Variants in ADAMTSL1 observed in about 807,000 individuals in gnomAD.
ADAMTSL1 encodes the protein ADAMTS like 1.
A neutral mutation model predicts 201.8 loss-of-function variants in ADAMTSL1; 126 were observed. The ratio of observed to expected loss-of-function variants is 0.62; its 90% CI spans 0.54 to 0.72. The LOEUF (loss-of-function observed/expected upper bound fraction) is 0.72. ADAMTSL1 is among the 30% of genes least tolerant of loss of function. The pLI is 0.00. For missense variants in ADAMTSL1, 2,679 were observed against 2,277.8 expected (o/e 1.18, Z -3.59); for synonymous variants, 1,121 against 903.4 (o/e 1.24, Z -4.32).
chr9:18,716,394 A>T (rs1481546452), intron 14 of ADAMTSL1, among the ~76,000 whole-genome samples: 2 of 152,124 alleles, frequency 1.3e-5, no homozygotes, highest in African/African-American at 4.8e-5. Flanking sequence ...TTTACAAGAA[A>T]AAAACAAACA....
chr9:18,367,351 A>C (rs371028716), intron 2 of ADAMTSL1, among the ~76,000 whole-genome samples: 12 of 151,282 alleles, frequency 7.9e-5, no homozygotes, highest in African/African-American at 2.9e-4. Context: ...AGATAAGTGA[A>C]TCTTTTAGAT....
At chr9:18,416,685 A>G (rs906268160) in intron 2 of ADAMTSL1, among the ~76,000 whole-genome samples, 2 of 152,052 alleles carry the variant, frequency 1.3e-5, no homozygotes, top group African/African-American at 4.8e-5. Flanking sequence ...AATAAAGAAT[A>G]TCAGTTTTTA....
chr9:18,351,265 G>GAA (rs1222233600), intron 2 of ADAMTSL1, among the ~76,000 whole-genome samples: 2 of 138,988 alleles, frequency 1.4e-5, no homozygotes, highest in Admixed American at 1.4e-4. Context: ...AAAAAAAAAA[G>GAA]AAAAAAAAAA....
At chr9:18,494,815 T>C (rs375460324) in intron 1 of ADAMTSL1, among the ~76,000 whole-genome samples, 4 of 152,008 alleles carry the variant, frequency 2.6e-5, no homozygotes, top group African/African-American at 9.7e-5. Context: ...TTTCTGAGAG[T>C]TCATAGCCCA....
chr9:18,182,146 G>T (rs1449570323), intron 2 of ADAMTSL1, among the ~76,000 whole-genome samples: 1 of 143,236 alleles, frequency 7.0e-6, no homozygotes, highest in African/African-American at 2.5e-5. Context: ...TGTGGTGTGG[G>T]GGGAGGGGGG....
At chr9:18,522,890 G>A (rs955331734) in intron 2 of ADAMTSL1, among the ~76,000 whole-genome samples, 45 of 151,974 alleles carry the variant, frequency 3.0e-4, no homozygotes, top group African/African-American at 7.0e-4. Context: ...GAATAGTGCC[G>A]CAATAAACAT....
At chr9:18,025,770 G>A (rs1035633166) in intron 1 of ADAMTSL1, among the ~76,000 whole-genome samples, 1 of 151,752 alleles carries the variant, frequency 6.6e-6, no homozygotes, top group Non-Finnish European at 1.5e-5. Context: ...TTTAGAATAG[G>A]TTTTTCTAAT....
intron 19 of ADAMTSL1, among the ~76,000 whole-genome samples, chr9:18,783,122 T>C (rs1049084197): frequency 2.0e-5 from 3 of 152,178 alleles, no homozygotes; most frequent in Non-Finnish European, 4.4e-5. Context: ...GCCATTGCAG[T>C]AGCCCCTACA....
intron 4 of ADAMTSL1, among the ~76,000 whole-genome samples, chr9:18,591,167 T>C (rs976404726): frequency 1.3e-5 from 2 of 152,316 alleles, no homozygotes; most frequent in East Asian, 1.9e-4. Context: ...TCCTTTTAGA[T>C]CTGTTAAAAT....
chr9:18,773,913 A>G (rs766984796), intron 17 of ADAMTSL1, among the ~76,000 whole-genome samples: 1 of 152,236 alleles, frequency 6.6e-6, no homozygotes, highest in Non-Finnish European at 1.5e-5. Flanking sequence ...TCTGGAACCC[A>G]TAATTTTCAG....
intron 2 of ADAMTSL1, among the ~76,000 whole-genome samples, chr9:18,305,744 C>T (rs542104608): frequency 6.6e-6 from 1 of 152,308 alleles, no homozygotes; most frequent in African/African-American, 2.4e-5. Flanking sequence ...CTCCTTGGGA[C>T]ACAGCACTTG....
chr9:18,070,657 T>G (rs114181597), intron 1 of ADAMTSL1, among the ~76,000 whole-genome samples: 2,621 of 152,174 alleles, frequency 0.017, 74 homozygotes, highest in African/African-American at 0.06. Context: ...GATAAAATCT[T>G]GGGAAATGAT....
At chr9:18,494,300 G>A (rs547875041) in intron 1 of ADAMTSL1, among the ~76,000 whole-genome samples, 46 of 150,714 alleles carry the variant, frequency 3.1e-4, no homozygotes, top group South Asian at 8.4e-4. Flanking sequence ...AGATTGCAGT[G>A]AGCTGAGATC....
chr9:18,692,762 T>C (rs1255461170), intron 13 of ADAMTSL1, among the ~76,000 whole-genome samples: 1 of 152,236 alleles, frequency 6.6e-6, no homozygotes, highest in Non-Finnish European at 1.5e-5. Flanking sequence ...GAAAATGTTA[T>C]GCATTTAAAC....
At chr9:18,076,483 C>T (rs978374084) in intron 1 of ADAMTSL1, among the ~76,000 whole-genome samples, 3 of 152,146 alleles carry the variant, frequency 2.0e-5, no homozygotes, top group African/African-American at 2.4e-5. Flanking sequence ...GATAAGGGCA[C>T]AGTGACAAAA....
At chr9:18,460,365 A>G (rs1587278305) in intron 2 of ADAMTSL1, among the ~76,000 whole-genome samples, 1 of 152,320 alleles carries the variant, frequency 6.6e-6, no homozygotes, top group Middle Eastern at 3.4e-3. Flanking sequence ...CAGCATGCAG[A>G]GTATCTGCCT....
chr9:18,325,210 C>T (rs1834783792), intron 2 of ADAMTSL1, among the ~76,000 whole-genome samples: 1 of 152,180 alleles, frequency 6.6e-6, no homozygotes, highest in Non-Finnish European at 1.5e-5. Flanking sequence ...CATACACCTA[C>T]CCTATGACCC....
intron 4 of ADAMTSL1, among the ~76,000 whole-genome samples, chr9:18,580,383 A>G (rs1267492005): frequency 1.3e-5 from 2 of 152,212 alleles, no homozygotes; most frequent in Non-Finnish European, 2.9e-5. Flanking sequence ...CTGTGACCTA[A>G]GTCACTAGTA....
chr9:18,822,820 G>A (rs981448137), intron 21 of ADAMTSL1, among the ~76,000 whole-genome samples: 4 of 152,112 alleles, frequency 2.6e-5, no homozygotes, highest in Admixed American at 6.6e-5. Flanking sequence ...CTCAGGATAC[G>A]TTTGCATGTC....
Sources: allele counts gnomAD v4.1 joint callset (sites outside exome capture counted in the v4.1 genomes callset), GRCh38; gene constraint gnomAD v4.1.1; transcripts MANE v1.5; gene names NCBI Gene and HGNC (gene_info 2026-07-23, HGNC 2026-07-21).